Variants in CASK observed in about 807,000 individuals in gnomAD.
The protein encoded by CASK is calcium/calmodulin dependent serine protein kinase.
A neutral mutation model predicts 82.9 loss-of-function variants in CASK; 4 were observed. The observed-to-expected ratio is 0.05, with a 90% CI of 0.02 to 0.11. The LOEUF is 0.11. Among genes scored for constraint, CASK ranks in the 10% least tolerant of loss-of-function variants. The pLI is 1.00. For missense variants in CASK, 358 were observed against 720.9 expected (o/e 0.50, Z 5.76); for synonymous variants, 259 against 253.5 (o/e 1.02, Z -0.20).
At chrX:41,865,890 G>A (rs1357280917) in intron 1 of CASK, among the ~76,000 whole-genome samples, 1 of 111,846 alleles carries the variant, frequency 8.9e-6, no homozygotes, top group Non-Finnish European at 1.9e-5. Context: ...TGCTATTGCT[G>A]GGAAACCTTG....
intron 3 of CASK, among the ~76,000 whole-genome samples, chrX:41,785,295 C>T (rs1390820347): frequency 8.9e-6 from 1 of 111,952 alleles, no homozygotes; most frequent in African/African-American, 3.2e-5. Context: ...GCATGAGCCA[C>T]CACGCCTGGC....
intron 3 of CASK, among the ~76,000 whole-genome samples, chrX:41,775,093 A>G (rs1474658822): frequency 1.9e-5 from 2 of 107,893 alleles, no homozygotes; most frequent in African/African-American, 3.4e-5. Context: ...CAGAGTGAAC[A>G]GGCAACCTAC....
chrX:41,675,667 C>T (rs768448390), intron 5 of CASK: 12 of 776,127 alleles, frequency 1.5e-5, no homozygotes, highest in African/African-American at 1.4e-4. Context: ...TGTCATAAAT[C>T]GTAAATAAAA....
Position 41,524,200 on chromosome X carries a change from T to C in CASK, c.2521-166A>G, listed in dbSNP as rs6610590. On this transcript the variant is annotated intron_variant, in intron 25 of 26. Transcript: ENST00000378163. ...TACCAACTTTATACATAACTTATATTACTTTTTTTCTAAAGGATGGACAAT... is the reference window on the plus strand; with the variant it reads ...TACCAACTTTATACATAACTTATATCACTTTTTTTCTAAAGGATGGACAAT... 1.6e-4 allele frequency: 72 copies of C among 446,374 alleles called. No homozygotes were observed. In the East Asian group the frequency reaches 2.7e-3, roughly 16 times the overall value. 36.8% of individuals were successfully genotyped at this position (446,374 alleles called of 1,213,427 possible). A position where few individuals can be genotyped will look rare whatever the true frequency, so the allele number is the denominator to read the frequency against.
intron 2 of CASK, among the ~76,000 whole-genome samples, chrX:41,813,993 T>C (rs2070360922): frequency 8.9e-6 from 1 of 111,994 alleles, no homozygotes; most frequent in Admixed American, 9.4e-5. Flanking sequence ...CATGAAAAAA[T>C]GCTCATCATC....
chrX:41,763,353 A>G (rs1011032881), intron 3 of CASK, among the ~76,000 whole-genome samples: 1 of 110,449 alleles, frequency 9.1e-6, no homozygotes, highest in African/African-American at 3.3e-5. Context: ...GCTTCATTCT[A>G]TTTTCTTTCT....
intron 1 of CASK, among the ~76,000 whole-genome samples, chrX:41,900,047 G>GTTTTTTT (rs749129389): frequency 1.1e-5 from 1 of 92,439 alleles, no homozygotes; most frequent in Non-Finnish European, 2.2e-5. Flanking sequence ...TTTTTGTTTT[G>GTTTTTTT]TTTTTTTTTT....
intron 24 of CASK, among the ~76,000 whole-genome samples, chrX:41,532,334 G>T (rs1197714381): frequency 2.7e-5 from 3 of 112,316 alleles, no homozygotes; most frequent in Admixed American, 9.4e-5. Flanking sequence ...CAACAGCAGA[G>T]CTAAGTGCTT....
At chrX:41,615,554 A>C (rs1358213740) in intron 11 of CASK, among the ~76,000 whole-genome samples, 1 of 112,122 alleles carries the variant, frequency 8.9e-6, no homozygotes, top group Non-Finnish European at 1.9e-5. Context: ...CCTTTTTTGT[A>C]TATTAAAAAA....
intron 3 of CASK, among the ~76,000 whole-genome samples, chrX:41,783,711 C>A (rs1485948813): frequency 3.6e-5 from 4 of 111,671 alleles, no homozygotes. Flanking sequence ...GTGAGACAGG[C>A]TGCTTCATTC....
chrX:41,577,302 C>A (rs185774480), intron 15 of CASK, among the ~76,000 whole-genome samples: 1 of 111,650 alleles, frequency 9.0e-6, no homozygotes, highest in East Asian at 2.8e-4. Flanking sequence ...TAAATGTGTT[C>A]ACTTCTTTCC....
At chrX:41,738,728 C>T (rs905167656) in intron 5 of CASK, among the ~76,000 whole-genome samples, 15 of 111,232 alleles carry the variant, frequency 1.3e-4, no homozygotes, top group African/African-American at 4.9e-4. Flanking sequence ...CAGGGGCTCC[C>T]TAGTGATTCT....
At chrX:41,633,041 C>CAA (rs1162810871) in intron 9 of CASK, among the ~76,000 whole-genome samples, 7 of 61,034 alleles carry the variant, frequency 1.1e-4, no homozygotes, top group African/African-American at 2.5e-4. Flanking sequence ...AAGACTCTCT[C>CAA]AAAAAAAAAA....
chrX:41,573,194 T>C (rs2065439078), intron 15 of CASK, among the ~76,000 whole-genome samples: 1 of 104,750 alleles, frequency 9.5e-6, no homozygotes, highest in Non-Finnish European at 2.0e-5. Flanking sequence ...CTCCTACCTC[T>C]GTCTCCCAAT....
intron 5 of CASK, among the ~76,000 whole-genome samples, chrX:41,678,430 C>T (rs1267296457): frequency 2.7e-5 from 3 of 111,935 alleles, no homozygotes; most frequent in African/African-American, 9.7e-5. Context: ...TTTTTACTCT[C>T]CTGTATTTCC....
At chrX:41,803,783 C>T (rs2147866352) in intron 2 of CASK, among the ~76,000 whole-genome samples, 1 of 111,635 alleles carries the variant, frequency 9.0e-6, no homozygotes, top group South Asian at 3.8e-4. Context: ...AAAACAGCTA[C>T]ATCTTTCATA....
At chrX:41,812,404 G>A (rs1313329880) in intron 2 of CASK, among the ~76,000 whole-genome samples, 1 of 111,334 alleles carries the variant, frequency 9.0e-6, no homozygotes, top group Admixed American at 9.5e-5. Flanking sequence ...GATCAAGTGG[G>A]CTTCATCCCT....
intron 3 of CASK, among the ~76,000 whole-genome samples, chrX:41,750,645 T>C (rs1297700384): frequency 1.8e-5 from 2 of 112,347 alleles, no homozygotes; most frequent in Non-Finnish European, 3.8e-5. Flanking sequence ...CTCCTTTTCA[T>C]CCATCTGAAT....
intron 11 of CASK, among the ~76,000 whole-genome samples, chrX:41,610,656 G>C (rs1169775410): frequency 1.8e-5 from 2 of 111,333 alleles, no homozygotes; most frequent in African/African-American, 6.5e-5. Context: ...AAAGTATAGG[G>C]ACGCTGACTG....
Sources: allele counts gnomAD v4.1 joint callset (sites outside exome capture counted in the v4.1 genomes callset), GRCh38; gene constraint gnomAD v4.1.1; transcripts MANE v1.5; gene names NCBI Gene and HGNC (gene_info 2026-07-23, HGNC 2026-07-21).